GOLGA2: variants seen among roughly 807,000 people sequenced by gnomAD.
The protein encoded by GOLGA2 is golgin subfamily A member 2.
Under a neutral mutation model 148.8 loss-of-function variants are expected in GOLGA2, and 49 were observed. The ratio of observed to expected loss-of-function variants is 0.33; its 90% CI spans 0.26 to 0.42. The LOEUF (loss-of-function observed/expected upper bound fraction) is 0.42, where lower values mean the gene tolerates loss of function less well. Among genes scored for constraint, GOLGA2 ranks in the 10% least tolerant of loss-of-function variants. The pLI is 1.00. For missense variants in GOLGA2, 1,178 were observed against 1,304.6 expected (o/e 0.90, Z 1.49); for synonymous variants, 501 against 511.8 (o/e 0.98, Z 0.28).
Position 128,260,433 on chromosome 9 carries a change from G to A in GOLGA2, c.1758+32C>T. 2 of 1,547,964 alleles carry A rather than the reference G, an allele frequency of 1.3e-6. No homozygotes were observed. The highest frequency in any genetic ancestry group is 8.9e-7 in the Non-Finnish European group (1 of 1,126,842). ...AAACAAAGGTCTGGAGGGCTAGGGA[G>A]GAGGGCGGGCTCTCCAGGTGGGGCA... On this transcript the variant is annotated intron_variant, in intron 18 of 26. Coordinates refer to ENST00000611957, the MANE Select transcript of GOLGA2 (RefSeq NM_001366244.2). The surrounding 1 kb of genome is among the most constrained non-coding windows in gnomAD (Gnocchi z 4.8).
intron 6 of GOLGA2, 106 bp from the exon 7 acceptor site, chr9:128,267,623 G>T: frequency 1.2e-6 from 1 of 862,272 alleles, no homozygotes; most frequent in Non-Finnish European, 1.9e-6. Context: ...TTTCTAACTT[G>T]GACCCTCTGT....
In GOLGA2 at chr9:128,258,392, AG is replaced by A; in HGVS notation, c.2289+62del. On this transcript the variant is annotated intron_variant, in intron 22 of 26. Transcript: ENST00000611957. The surrounding 1 kb of genome is among the most constrained non-coding windows in gnomAD (Gnocchi z 6.6). ...AGAAGGCCGGGAAACCAAGAGCAGA[AG>A]GGGGTCTGGGAGGGACCACAGAGGG... 5 of 1,428,552 alleles carry A rather than the reference AG, an allele frequency of 3.5e-6. No homozygotes were observed. The highest frequency in any genetic ancestry group is 4.9e-6 in the Non-Finnish European group (5 of 1,013,916). The allele number at this position is 1,428,552 out of a possible 1,614,324, so 88.5% of individuals were successfully genotyped here. A position where few individuals can be genotyped will look rare whatever the true frequency, so the allele number is the denominator to read the frequency against.
At position 128,261,130 on chromosome 9, in the gene GOLGA2, T is replaced by C. The variant is rs528700036; in HGVS notation, c.1420+42A>G. On this transcript the variant is annotated intron_variant, in intron 17 of 26. Transcript: ENST00000611957. The surrounding 1 kb of genome is among the most constrained non-coding windows in gnomAD (Gnocchi z 5.7). ...ATTCTAAACCACCCCCACAACCCTCTGACACCATTCCTGCTCCCAGGTCAC... is the reference window on the plus strand; with the variant it reads ...ATTCTAAACCACCCCCACAACCCTCCGACACCATTCCTGCTCCCAGGTCAC... The C allele has an allele frequency of 7.3e-7, 1 of 1,360,870 alleles. No individual in the cohort carries two copies. Among genetic ancestry groups the C allele is most frequent in the Non-Finnish European group, 1.1e-6 (1 of 949,466 alleles). The allele number at this position is 1,360,870 out of a possible 1,614,324, so 84.3% of individuals were successfully genotyped here.
chr9:128,267,065 G>A, intron 8 of GOLGA2, 129 bp downstream of exon 8: 2 of 747,236 alleles, frequency 2.7e-6, no homozygotes, highest in Non-Finnish European at 4.9e-6. Flanking sequence ...TCCAGCTGAG[G>A]CCTGGGCCCC....
At chr9:128,265,205 A>T (rs1830518176) in intron 12 of GOLGA2, among the ~76,000 whole-genome samples, 1 of 152,260 alleles carries the variant, frequency 6.6e-6, no homozygotes. Context: ...TTGTCATAGT[A>T]CATAGGTACA....
Position 128,260,792 on chromosome 9 carries a change from C to G in GOLGA2, c.1431G>C (p.Pro477=). Residue 477 remains proline (P), a synonymous_variant, in exon 18 of 27, where the codon CCG becomes CCC. Transcript: ENST00000611957. The surrounding 1 kb of genome is among the most constrained non-coding windows in gnomAD (Gnocchi z 4.8). ...AGGGCCCTGCTGGGGGCTCTGGGGG[C>G]GGGGGTTCAGCTGAGAAAGGACGCA... The part of the protein sequence containing the change: ...AELRNQMAEP[P]PPEPPAGPSE... 1 of 1,603,932 alleles carries G rather than the reference C, an allele frequency of 6.2e-7. No homozygotes were observed. Among genetic ancestry groups the G allele is most frequent in the Non-Finnish European group, 8.5e-7 (1 of 1,175,032 alleles).
intron 12 of GOLGA2, 28 bp downstream of exon 12, chr9:128,265,557 A>AG (rs1830537353): frequency 1.3e-6 from 2 of 1,499,118 alleles, no homozygotes; most frequent in African/African-American, 2.7e-5. Flanking sequence ...CCAGTATGCC[A>AG]GGGGACGGGG....
chr9:128,265,478 T>C, intron 12 of GOLGA2, 107 bp downstream of exon 12: 14 of 867,696 alleles, frequency 1.6e-5, no homozygotes, highest in Non-Finnish European at 7.9e-6. Context: ...AAATGGCCCA[T>C]GCTGCCTTCT....
chr9:128,260,497 G>A lies in GOLGA2; in HGVS notation c.1726C>T (p.Leu576=), dbSNP rs74686374. 2 of 1,612,428 alleles carry A rather than the reference G, an allele frequency of 1.2e-6. No individual in the cohort carries two copies. Among genetic ancestry groups the A allele is most frequent in the South Asian group, 2.2e-5 (2 of 91,062 alleles). Residue 576 remains leucine, a synonymous_variant, in exon 18 of 27, where the codon CTG becomes TTG. Coordinates refer to ENST00000611957, the MANE Select transcript of GOLGA2 (RefSeq NM_001366244.2). The surrounding 1 kb of genome is among the most constrained non-coding windows in gnomAD (Gnocchi z 4.8). The part of the protein sequence containing the change: ...LSQNRELKEQ[L]AELQSGFVKL... ...ACAAATCCGCTCTGCAGCTCAGCCA[G>A]CTGCTCCTTGAGCTCCCGGTTCTGG...
chr9:128,270,100 T>C (rs1830841309), intron 3 of GOLGA2, among the ~76,000 whole-genome samples: 1 of 151,364 alleles, frequency 6.6e-6, no homozygotes, highest in Non-Finnish European at 1.5e-5. Context: ...ATCTCTAGGA[T>C]TAGACACAAG....
Position 128,256,004 on chromosome 9 carries a change from T to G in GOLGA2, c.*1063A>C, listed in dbSNP as rs888438919. The G allele has an allele frequency of 6.5e-6, 1 of 152,686 alleles. No individual in the cohort carries two copies. Among genetic ancestry groups the G allele is most frequent in the Non-Finnish European group, 1.5e-5 (1 of 68,108 alleles). The allele number at this position is 152,686 out of a possible 1,614,324, so 9.5% of individuals were successfully genotyped here. ...CCCATGTGCCAGCTCCAACCTCTGC[T>G]AGGTATGATACAGGGGGCGGCCCTA... On this transcript the variant is annotated 3_prime_UTR_variant, in exon 27 of 27. Coordinates refer to ENST00000611957, the MANE Select transcript of GOLGA2 (RefSeq NM_001366244.2).
rs1394709551 is a variant in GOLGA2, at chr9:128,260,544, G to A, written c.1679C>T (p.Thr560Ile). Residue 560 changes from threonine to isoleucine, a missense_variant, in exon 18 of 27, where the codon ACT (threonine) becomes ATT (isoleucine). By Grantham distance (89) the Thr-to-Ile change is moderately conservative. Coordinates refer to ENST00000611957, the MANE Select transcript of GOLGA2 (RefSeq NM_001366244.2). This position sits in a 1 kb window ranked among gnomAD's most constrained non-coding sequence, Gnocchi z 4.8. Reference sequence around the variant, plus strand: ...CTGGGAGAGTGCGCGGCTGATGGTAGTGCGGTCGTTCTGCATGGTCTCCAG... The same window carrying A: ...CTGGGAGAGTGCGCGGCTGATGGTAATGCGGTCGTTCTGCATGGTCTCCAG... ...QILETMQNDR[T>I]TISRALSQNR... 6.2e-7 allele frequency: 1 copy of A among 1,613,058 alleles called. No homozygotes were observed. The highest frequency in any genetic ancestry group is 8.5e-7 in the Non-Finnish European group (1 of 1,180,020).
rs1340084481 is a variant in GOLGA2 at position 128,258,998 on chromosome 9, T to G, written c.2173+9A>C. ...GCTCTCTCCTCTTCCTGTGAGCAGG[T>G]TCCCGTACCTTCCCCAGGGTGAGCC... On this transcript the variant is annotated intron_variant, in intron 21 of 26. Transcript: ENST00000611957. The surrounding 1 kb of genome is among the most constrained non-coding windows in gnomAD (Gnocchi z 6.6). 6.4e-7 allele frequency: 1 copy of G among 1,554,348 alleles called. No individual in the cohort carries two copies. The highest frequency in any genetic ancestry group is 1.4e-5 in the African/African-American group (1 of 73,884).
chr9:128,264,505 G>A (rs189685645), intron 12 of GOLGA2, among the ~76,000 whole-genome samples: 2 of 152,012 alleles, frequency 1.3e-5, no homozygotes, highest in Admixed American at 6.6e-5. Flanking sequence ...TCAGCTCACC[G>A]CAACTTCCGC....
In GOLGA2 at chr9:128,260,547, C is replaced by T. The variant is rs369681019; in HGVS notation, c.1676G>A (p.Arg559His). The T allele has an allele frequency of 2.9e-5, 47 of 1,613,056 alleles. No homozygotes were observed. The South Asian group carries it at 3.7e-4, about 13-fold the overall frequency. Residue 559 changes from arginine (R) to histidine (H), a missense_variant, in exon 18 of 27, where the codon CGC becomes CAC. Transcript: ENST00000611957. This position sits in a 1 kb window ranked among gnomAD's most constrained non-coding sequence, Gnocchi z 4.8. ...RQILETMQND[R>H]TTISRALSQN... ...GGAGAGTGCGCGGCTGATGGTAGTG[C>T]GGTCGTTCTGCATGGTCTCCAGGAT...
At chr9:128,270,226 T>A (rs1265115078) in intron 3 of GOLGA2, among the ~76,000 whole-genome samples, 1 of 148,286 alleles carries the variant, frequency 6.7e-6, no homozygotes, top group Admixed American at 6.8e-5. Flanking sequence ...CTCCGCCTCC[T>A]GAGTTCGAGA....
At chr9:128,273,401 T>C (rs1831079069) in intron 2 of GOLGA2, among the ~76,000 whole-genome samples, 2 of 152,152 alleles carry the variant, frequency 1.3e-5, no homozygotes, top group South Asian at 4.1e-4. Flanking sequence ...GATCTTCCCC[T>C]AATCCTAGCA....
At chr9:128,273,689 T>G (rs563888684) in intron 2 of GOLGA2, 161 bp downstream of exon 2, 2 of 839,402 alleles carry the variant, frequency 2.4e-6, no homozygotes, top group Non-Finnish European at 3.7e-6. Context: ...CCCAAAAAGC[T>G]CAAGCAATTT....
At chr9:128,270,839 A>G (rs1488800794) in intron 3 of GOLGA2, among the ~76,000 whole-genome samples, 1 of 152,180 alleles carries the variant, frequency 6.6e-6, no homozygotes, top group Non-Finnish European at 1.5e-5. Flanking sequence ...TGAGGCCAGG[A>G]GTTCGAAACC....
Sources: gnomAD v4.1 joint callset for allele counts (sites outside exome capture counted in the v4.1 genomes callset) on GRCh38, gnomAD v4.1.1 for gene constraint, Gnocchi (gnomAD v3.1) non-coding constraint, MANE v1.5 for transcripts, NCBI Gene and HGNC (gene_info 2026-07-23, HGNC 2026-07-21) for gene names.